The following COPB2 variants were observed in gnomAD, a reference collection of about 807,000 sequenced individuals.
COPB2 encodes coatomer subunit beta'.
COPB2 carries 16 observed loss-of-function variants against 120.8 expected under a neutral mutation model. The observed-to-expected ratio is 0.13, with a 90% CI of 0.09 to 0.20. COPB2 has a LOEUF of 0.20. COPB2 is among the 10% of genes least tolerant of loss of function. COPB2 has a pLI of 1.00. For missense variants in COPB2, 794 were observed against 1,076.5 expected, an observed-to-expected ratio of 0.74 and a Z score of 3.67; for synonymous variants, 332 against 366.3, an observed-to-expected ratio of 0.91 and a Z score of 1.07.
intron 6 of COPB2, 77 bp downstream of exon 6, chr3:139,375,391 C>T (rs1576375763): frequency 9.7e-6 from 14 of 1,446,202 alleles, no homozygotes; most frequent in Non-Finnish European, 1.3e-5. Flanking sequence ...TTTTCAACAA[C>T]CCAAGTCTTA....
At chr3:139,376,776 G>A (rs1294660330) in intron 5 of COPB2, among the ~76,000 whole-genome samples, 1 of 152,214 alleles carries the variant, frequency 6.6e-6, no homozygotes, top group African/African-American at 2.4e-5. Context: ...TTGAGATGGA[G>A]TCTCGCTCTG....
chr3:139,363,475 T>C (rs1339766730), intron 15 of COPB2, among the ~76,000 whole-genome samples: 2 of 152,186 alleles, frequency 1.3e-5, no homozygotes, highest in Non-Finnish European at 2.9e-5. Flanking sequence ...CCCCTTCCCA[T>C]CTGTGGAAAA....
intron 2 of COPB2, chr3:139,380,640 T>A (rs1445699769): frequency 6.6e-6 from 1 of 152,186 alleles, no homozygotes; most frequent in African/African-American, 2.4e-5. Context: ...AAACACAATA[T>A]AATCTTACTG....
chr3:139,383,786 A>G (rs1281889761), intron 1 of COPB2, among the ~76,000 whole-genome samples: 1 of 142,680 alleles, frequency 7.0e-6, no homozygotes, highest in Non-Finnish European at 1.6e-5. Context: ...AAATATTTAT[A>G]TATTAATTCA....
At position 139,389,540 on chromosome 3, in the gene COPB2, G is replaced by A; in HGVS notation, c.3+8C>T. 1.3e-6 allele frequency: 2 copies of A among 1,576,006 alleles called. No individual in the cohort carries two copies. The highest frequency in any genetic ancestry group is 1.7e-6 in the Non-Finnish European group (2 of 1,154,104). ...GACCCCGCTCCCTTCTACGGGATCT[G>A]GACCTACCATGGCTGCGTCGGTCCA... On this transcript the variant is annotated splice_region_variant and intron_variant, in intron 1 of 21. Coordinates refer to ENST00000333188, the MANE Select transcript of COPB2 (RefSeq NM_004766.3).
chr3:139,373,605 C>A (rs1405070510), intron 8 of COPB2, 61 bp downstream of exon 8: 2 of 1,607,776 alleles, frequency 1.2e-6, no homozygotes, highest in South Asian at 1.1e-5. Context: ...GATGACAGTA[C>A]TAAAATACAA....
At chr3:139,363,387 G>A (rs1012079508) in intron 15 of COPB2, among the ~76,000 whole-genome samples, 2 of 152,220 alleles carry the variant, frequency 1.3e-5, no homozygotes, top group Middle Eastern at 3.4e-3. Context: ...TACATGTGAT[G>A]GATCTAGGTT....
Position 139,368,333 on chromosome 3 carries a change from T to A in COPB2, c.1402-45A>T, listed in dbSNP as rs1425819507. ...TAGACAACTGATTTGGATTTCTGAG[T>A]GGATATGACAAACTGCACATACTTG... On this transcript the variant is annotated intron_variant, in intron 12 of 21. Coordinates refer to ENST00000333188, the MANE Select transcript of COPB2 (RefSeq NM_004766.3). The A allele has an allele frequency of 2.5e-6, 4 of 1,571,464 alleles. No homozygotes were observed. The South Asian group carries it at 4.7e-5, about 19-fold the overall frequency.
At chr3:139,370,556 A>G (rs1367889533) in intron 10 of COPB2, among the ~76,000 whole-genome samples, 1 of 152,220 alleles carries the variant, frequency 6.6e-6, no homozygotes, top group Non-Finnish European at 1.5e-5. Context: ...TTATACCTCA[A>G]TAAGGGCGAT....
rs79043251 is a variant in COPB2 at position 139,379,155 on chromosome 3, C to T, written c.247G>A (p.Val83Met). Residue 83 changes from valine to methionine, a missense_variant, in exon 4 of 22, where the codon GTG becomes ATG. Physicochemically the swap from Val to Met is conservative, Grantham distance 21. Coordinates refer to ENST00000333188, the MANE Select transcript of COPB2 (RefSeq NM_004766.3). ...VTGADDMQIR[V>M]FNYNTLERVH... ...CTCTCCAGAGTATTGTAATTGAACA[C>T]TCTAATCTGCATGTCATCCTAGAAA... 2.2e-4 allele frequency: 347 copies of T among 1,600,640 alleles called. 4 individuals carry two copies. The East Asian group carries it at 3.8e-3, about 18-fold the overall frequency.
Position 139,373,804 on chromosome 3 carries a change from T to G in COPB2, c.756A>C (p.Thr252=). The change falls in exon 8 of 22, where the codon ACA becomes ACC. Residue 252 remains threonine (T), a synonymous_variant. Transcript: ENST00000333188. ...AGGTGCTTGAATGCCAAATACGTAC[T>G]GTTCCTAAAAAGAACAATGTAAATA... is the stretch of plus-strand genomic sequence containing the variant. The part of the protein sequence containing the change: ...PIIITGSEDG[T]VRIWHSSTYR... 1 of 1,614,006 alleles carries G rather than the reference T, an allele frequency of 6.2e-7. No homozygotes were observed. The highest frequency in any genetic ancestry group is 8.5e-7 in the Non-Finnish European group (1 of 1,179,952).
At chr3:139,379,211 C>T in intron 3 of COPB2, 38 bp from the exon 4 acceptor site, 1 of 1,570,288 alleles carries the variant, frequency 6.4e-7, no homozygotes, top group Non-Finnish European at 8.6e-7. Context: ...TCCCTGTTAT[C>T]AAGTAAATTA....
At chr3:139,380,784 T>C (rs967232418) in intron 2 of COPB2, 11 of 152,178 alleles carry the variant, frequency 7.2e-5, no homozygotes, top group African/African-American at 2.2e-4. Context: ...CTCTAACCTG[T>C]AGAATCACTA....
At chr3:139,374,330 A>ATG in intron 7 of COPB2, 159 bp downstream of exon 7, 1 of 582,310 alleles carries the variant, frequency 1.7e-6, no homozygotes, top group Non-Finnish European at 3.1e-6. Flanking sequence ...GATGATGATG[A>ATG]AAATAATGCC....
At chr3:139,365,395 A>G (rs1941495876) in intron 15 of COPB2, among the ~76,000 whole-genome samples, 1 of 152,240 alleles carries the variant, frequency 6.6e-6, no homozygotes, top group South Asian at 2.1e-4. Flanking sequence ...TCCAACAATT[A>G]TATACCAGTT....
intron 2 of COPB2, chr3:139,381,143 T>C (rs1941804349): frequency 6.6e-6 from 1 of 152,250 alleles, no homozygotes. Flanking sequence ...GGCAAGGCAA[T>C]AATATCATCT....
chr3:139,373,764 T>C lies in COPB2; in HGVS notation c.796A>G (p.Thr266Ala). The C allele has an allele frequency of 6.2e-7, 1 of 1,614,144 alleles. No individual in the cohort carries two copies. ...ACCCTCTCCATTCCATAATTCAGTG[T>C]GCTCTCAAGCCGGTAGGTGCTTGAA... ...WHSSTYRLESTLNYGMERVWC... is the reference protein window; with the variant it reads ...WHSSTYRLESALNYGMERVWC... The change falls in exon 8 of 22, where the codon ACA (threonine) becomes GCA (alanine). Residue 266 changes from threonine to alanine, a missense_variant. By Grantham distance (58) the Thr-to-Ala change is moderately conservative (BLOSUM62 0). This residue lies in a region of COPB2 where 610 missense variants were observed against 866.7 expected (regional missense o/e 0.70). Transcript: ENST00000333188.
intron 1 of COPB2, chr3:139,388,202 C>A (rs992077924): frequency 6.6e-6 from 1 of 152,060 alleles, no homozygotes; most frequent in Non-Finnish European, 1.5e-5. Context: ...GTTAGTAATA[C>A]GAAGTGCTCT....
At chr3:139,388,676 A>G (rs1941984475) in intron 1 of COPB2, among the ~76,000 whole-genome samples, 1 of 137,222 alleles carries the variant, frequency 7.3e-6, no homozygotes, top group Non-Finnish European at 1.5e-5. Context: ...CCCAGGCTGG[A>G]GTGCAGTGGT....
Sources: gnomAD v4.1 joint callset for allele counts (sites outside exome capture counted in the v4.1 genomes callset) on GRCh38, gnomAD v4.1.1 for gene constraint, gnomAD v4.1.1 regional missense constraint, MANE v1.5 for transcripts, NCBI Gene and HGNC (gene_info 2026-07-23, HGNC 2026-07-21) for gene names.